ADGRL1: variants seen among roughly 807,000 people sequenced by gnomAD.
ADGRL1 encodes CIRL-1.
In ADGRL1, 31 loss-of-function variants were observed where a neutral mutation model predicts 148.9. That is an observed-to-expected ratio of 0.21 (90% CI 0.16 to 0.28). The LOEUF is 0.28. Ranked by LOEUF, ADGRL1 falls within the 10% of genes least tolerant of loss-of-function variation. The probability of loss-of-function intolerance (pLI) is 1.00; values close to 1 mark genes in which losing one functional copy is unlikely to be tolerated. For synonymous variants in ADGRL1, 937 were observed against 900.3 expected (o/e 1.04, Z -0.73); for missense variants, 1,521 against 2,058.8 (o/e 0.74, Z 5.05).
intron 4 of ADGRL1, among the ~76,000 whole-genome samples, chr19:14,167,303 G>A (rs969947554): frequency 1.3e-5 from 2 of 152,018 alleles, no homozygotes; most frequent in Admixed American, 1.3e-4. Flanking sequence ...ACAGGAGGGA[G>A]AAGACACAGA....
Position 14,151,063 on chromosome 19 carries a change from G to A in ADGRL1, c.4220C>T (p.Pro1407Leu). The A allele has an allele frequency of 6.7e-7, 1 of 1,489,408 alleles. No individual in the cohort carries two copies. The allele number at this position is 1,489,408 out of a possible 1,614,324, so 92.3% of individuals were successfully genotyped here. ...GGGGGGGCCGGGGGGTGCGGGAGGG[G>A]GTGGGGGCAGGGCCTCACTGGGCCC... The part of the protein sequence containing the change: ...PEGPSEALPP[P>L]PPAPPGPPEI... Residue 1407 changes from proline (P) to leucine (L), a missense_variant, in exon 23 of 23, where the codon CCC becomes CTC. Pro to Leu is a moderately conservative substitution (Grantham distance 98). Coordinates refer to ENST00000361434, the MANE Select transcript of ADGRL1 (RefSeq NM_014921.5).
chr19:14,151,986 C>A, intron 22 of ADGRL1, 147 bp downstream of exon 22: 1 of 767,312 alleles, frequency 1.3e-6, no homozygotes, highest in Non-Finnish European at 2.3e-6. Context: ...CTCCATTCGG[C>A]TGCCAGAGGC....
Position 14,150,664 on chromosome 19 carries a change from T to C in ADGRL1, c.*209A>G. 1 of 591,782 alleles carries C rather than the reference T, an allele frequency of 1.7e-6. No individual in the cohort carries two copies. Among genetic ancestry groups the C allele is most frequent in the Non-Finnish European group, 2.9e-6 (1 of 341,946 alleles). The allele number at this position is 591,782 out of a possible 1,614,324, so 36.7% of individuals were successfully genotyped here. A position where few individuals can be genotyped will look rare whatever the true frequency, so the allele number is the denominator to read the frequency against. On this transcript the variant is annotated 3_prime_UTR_variant, in exon 23 of 23. Transcript: ENST00000361434. Reference sequence around the variant, plus strand: ...TTCCCCCAAATAGAGCTGGTGCGTGTGGCTGGTGGGAAACCCTGTCTGTGA... The same window carrying C: ...TTCCCCCAAATAGAGCTGGTGCGTGCGGCTGGTGGGAAACCCTGTCTGTGA...
Position 14,152,952 on chromosome 19 carries a change from C to A in ADGRL1, c.3295-40G>T, listed in dbSNP as rs759367547. ...ACAGTCAGCTGGCTGGGACACTGGC[C>A]TCCTCTGTGATCCAGTCTCCCACAG... On this transcript the variant is annotated intron_variant, in intron 18 of 22. Transcript: ENST00000361434. This position sits in a 1 kb window ranked among gnomAD's most constrained non-coding sequence, Gnocchi z 6.1. The A allele has an allele frequency of 1.2e-6, 2 of 1,607,142 alleles. No homozygotes were observed. Among genetic ancestry groups the A allele is most frequent in the South Asian group, 1.1e-5 (1 of 90,260 alleles).
At chr19:14,156,434 C>G (rs8113385) in intron 16 of ADGRL1, among the ~76,000 whole-genome samples, 28,672 of 151,982 alleles carry the variant, frequency 0.19, 3,260 homozygotes, top group African/African-American at 0.32. Context: ...CTGACACACA[C>G]TAGGGGCTCA....
At chr19:14,183,212 A>AGAGAGAGAGC (rs71172403) in intron 2 of ADGRL1, among the ~76,000 whole-genome samples, 11,337 of 151,044 alleles carry the variant, frequency 0.075, 521 homozygotes, top group Non-Finnish European at 0.1. Context: ...AGAGAGAGAG[A>AGAGAGAGAGC]GAGAGCGAGA....
At chr19:14,163,495 A>AGAGG (rs1306177918) in intron 4 of ADGRL1, 89 bp from the exon 5 acceptor site, 36 of 861,806 alleles carry the variant, frequency 4.2e-5, no homozygotes, top group Non-Finnish European at 5.7e-5. Flanking sequence ...AGAGAGAGAG[A>AGAGG]GAGGGGGGAG....
chr19:14,198,375 C>T (rs1972401325), intron 1 of ADGRL1, among the ~76,000 whole-genome samples: 1 of 152,078 alleles, frequency 6.6e-6, no homozygotes, highest in Admixed American at 6.5e-5. Context: ...TCTACCCCAC[C>T]TGTCCCTTGC....
rs551437999 is a variant in ADGRL1, at chr19:14,191,259, C to G, written c.-95-7562G>C. On this transcript the variant is annotated intron_variant, in intron 1 of 22. Transcript: ENST00000361434. ...CTCAGAGGTGTCCTCCCCAGAGACGCAGACATGGGCCTCTGCCACCCTGTA... is the reference window on the plus strand; with the variant it reads ...CTCAGAGGTGTCCTCCCCAGAGACGGAGACATGGGCCTCTGCCACCCTGTA... 215 of 456,720 alleles carry G rather than the reference C, an allele frequency of 4.7e-4. 1 individual carries two copies. Among genetic ancestry groups the G allele is most frequent in the African/African-American group, 3.7e-3 (186 of 50,194 alleles). 28.3% of individuals were successfully genotyped at this position (456,720 alleles called of 1,614,324 possible).
At chr19:14,185,519 C>T (rs1313735909) in intron 1 of ADGRL1, among the ~76,000 whole-genome samples, 4 of 152,088 alleles carry the variant, frequency 2.6e-5, no homozygotes, top group Non-Finnish European at 5.9e-5. Context: ...GTCTTGAACT[C>T]CTGGCCTCAA....
intron 3 of ADGRL1, among the ~76,000 whole-genome samples, chr19:14,172,504 C>T (rs1970543529): frequency 6.6e-6 from 1 of 152,038 alleles, no homozygotes; most frequent in African/African-American, 2.4e-5. Flanking sequence ...CTTTGGGAGG[C>T]CGTGGTGGAT....
At chr19:14,177,888 T>C in intron 2 of ADGRL1, 144 bp from the exon 3 acceptor site, 1 of 678,514 alleles carries the variant, frequency 1.5e-6, no homozygotes, top group Non-Finnish European at 2.5e-6. Flanking sequence ...AGCTGTAGAA[T>C]GGGCCTCTCA....
chr19:14,196,164 C>T (rs1296694719), intron 1 of ADGRL1, among the ~76,000 whole-genome samples: 4 of 152,198 alleles, frequency 2.6e-5, no homozygotes, highest in Non-Finnish European at 5.9e-5. Context: ...TACCTCGAGG[C>T]GAGAACAATC....
rs751486641 is a variant in ADGRL1, at chr19:14,159,731, T to G, written c.1839+4A>C. 37 of 1,613,546 alleles carry G rather than the reference T, an allele frequency of 2.3e-5. No homozygotes were observed. The highest frequency in any genetic ancestry group is 3.1e-5 in the Non-Finnish European group (37 of 1,179,546). ...TCCTTACACTGGGACCCCCTGGGTC[T>G]CACCTTGATATAATCCTTACAAGTT... On this transcript the variant is annotated splice_donor_region_variant and intron_variant, in intron 9 of 22. Coordinates refer to ENST00000361434, the MANE Select transcript of ADGRL1 (RefSeq NM_014921.5). This position sits in a 1 kb window ranked among gnomAD's most constrained non-coding sequence, Gnocchi z 6.0.
chr19:14,196,804 C>T (rs970787189), intron 1 of ADGRL1, among the ~76,000 whole-genome samples: 38 of 152,136 alleles, frequency 2.5e-4, no homozygotes, highest in Admixed American at 1.8e-3. Flanking sequence ...CACTCCTACA[C>T]CATGTCCTGA....
intron 2 of ADGRL1, among the ~76,000 whole-genome samples, chr19:14,180,832 G>A (rs948164593): frequency 2.0e-5 from 3 of 152,162 alleles, no homozygotes; most frequent in East Asian, 1.9e-4. Flanking sequence ...GGGATTACAG[G>A]AGTGAGCCAG....
intron 3 of ADGRL1, among the ~76,000 whole-genome samples, chr19:14,177,149 T>A (rs1311043513): frequency 6.6e-6 from 1 of 152,096 alleles, no homozygotes; most frequent in Non-Finnish European, 1.5e-5. Flanking sequence ...AAGAATCGCC[T>A]AAACCCAGGA....
In ADGRL1 at chr19:14,163,354, G is replaced by A. The variant is rs376002116; in HGVS notation, c.447C>T (p.His149=). 31 of 1,600,156 alleles carry A rather than the reference G, an allele frequency of 1.9e-5. No homozygotes were observed. Among genetic ancestry groups the A allele is most frequent in the Middle Eastern group, 3.3e-4 (2 of 6,066 alleles). Residue 149 remains histidine (H), a synonymous_variant, in exon 5 of 23, where the codon CAC becomes CAT. Coordinates refer to ENST00000361434, the MANE Select transcript of ADGRL1 (RefSeq NM_014921.5). Reference sequence around the variant, plus strand: ...ATGCGCCAGACTGGTGCTCTGACTCGTGTGTCGAGGTGGGCTCCAGCACCT... The same window carrying A: ...ATGCGCCAGACTGGTGCTCTGACTCATGTGTCGAGGTGGGCTCCAGCACCT... ...LQKVLEPTST[H]ESEHQSGAWC... is the part of the protein sequence containing the mutation.
intron 1 of ADGRL1, among the ~76,000 whole-genome samples, chr19:14,195,684 A>G (rs1023756742): frequency 4.6e-5 from 7 of 152,166 alleles, no homozygotes; most frequent in Non-Finnish European, 1.0e-4. Context: ...CCCTGGGGTG[A>G]CTATGAAGGA....
Sources: gnomAD v4.1 joint callset for allele counts (sites outside exome capture counted in the v4.1 genomes callset) on GRCh38, gnomAD v4.1.1 for gene constraint, Gnocchi (gnomAD v3.1) non-coding constraint, MANE v1.5 for transcripts, NCBI Gene and HGNC (gene_info 2026-07-23, HGNC 2026-07-21) for gene names.